Variants in FNDC3A observed in about 807,000 individuals in gnomAD.
FNDC3A encodes fibronectin type III domain containing 3A, also known as fibronectin type-III domain-containing protein 3A.
Under a neutral mutation model 148.9 loss-of-function variants are expected in FNDC3A, and 32 were observed. The ratio of observed to expected loss-of-function variants is 0.21; its 90% CI spans 0.16 to 0.29. The LOEUF (loss-of-function observed/expected upper bound fraction) is 0.29. Among genes scored for constraint, FNDC3A ranks in the 10% least tolerant of loss-of-function variants. The pLI is 1.00. For missense variants in FNDC3A, 1,191 were observed against 1,452.8 expected (o/e 0.82, Z 2.93); for synonymous variants, 472 against 473.6 (o/e 1.00, Z 0.04).
Position 49,127,989 on chromosome 13 carries a change from C to G in FNDC3A, c.253-3148C>G, listed in dbSNP as rs1881803490. ...CTCTGCCTCCCGGGTTCAAACGATT[C>G]TCTTGCCTCAGCCTCCTGAGCAGCT... On this transcript the variant is annotated intron_variant, in intron 4 of 25. Coordinates refer to ENST00000492622, the MANE Select transcript of FNDC3A (RefSeq NM_001079673.2). Among the ~76,000 whole-genome samples the G allele has an allele frequency of 2.0e-5, 3 of 152,036 alleles. 1 individual carries two copies. Among genetic ancestry groups the G allele is most frequent in the African/African-American group, 7.3e-5 (3 of 41,374 alleles).
intron 1 of FNDC3A, among the ~76,000 whole-genome samples, chr13:48,998,522 C>T (rs1030626611): frequency 6.6e-6 from 1 of 152,080 alleles, no homozygotes; most frequent in African/African-American, 2.4e-5. Context: ...TGAGTTTCAT[C>T]CCTAAGATAT....
chr13:49,066,837 C>T (rs952692075), intron 2 of FNDC3A, among the ~76,000 whole-genome samples: 2 of 152,052 alleles, frequency 1.3e-5, no homozygotes, highest in African/African-American at 4.8e-5. Context: ...AATACTTTCC[C>T]CTCACTGCCC....
intron 14 of FNDC3A, among the ~76,000 whole-genome samples, chr13:49,181,212 A>AC (rs1885285158): frequency 1.3e-5 from 2 of 152,230 alleles, no homozygotes; most frequent in Non-Finnish European, 2.9e-5. Flanking sequence ...CTCCCAGATA[A>AC]TGAGGTTGGA....
chr13:49,197,329 C>T (rs1434483330), intron 20 of FNDC3A, among the ~76,000 whole-genome samples: 4 of 151,726 alleles, frequency 2.6e-5, no homozygotes, highest in African/African-American at 9.7e-5. Flanking sequence ...ATCCAGTACA[C>T]ATCTCCAGTG....
chr13:49,138,936 T>A, intron 7 of FNDC3A, 131 bp downstream of exon 7: 1 of 467,502 alleles, frequency 2.1e-6, no homozygotes, highest in East Asian at 3.3e-5. Flanking sequence ...GTGACAAGCT[T>A]TTTCACTCAC....
rs776300850 is a variant in FNDC3A, at chr13:49,118,875, C to T, written c.252+4144C>T. Among the ~76,000 whole-genome samples the T allele has an allele frequency of 9.2e-5, 14 of 152,338 alleles. 1 individual carries two copies. The South Asian group carries it at 1.5e-3, about 16-fold the overall frequency. ...CCCAGTCAGGGGCTTATAGATAAAA[C>T]GCCCGTCTTCCTGAGACAGAGCACC... On this transcript the variant is annotated intron_variant, in intron 4 of 25. Coordinates refer to ENST00000492622, the MANE Select transcript of FNDC3A (RefSeq NM_001079673.2).
At chr13:49,092,139 T>C (rs56025225) in intron 3 of FNDC3A, among the ~76,000 whole-genome samples, 26,342 of 152,208 alleles carry the variant, frequency 0.17, 2,827 homozygotes, top group Non-Finnish European at 0.24. Flanking sequence ...CAAGCACCAT[T>C]GGATCTGCTG....
chr13:49,038,061 C>T (rs1874632530), intron 2 of FNDC3A, among the ~76,000 whole-genome samples: 1 of 152,080 alleles, frequency 6.6e-6, no homozygotes, highest in Non-Finnish European at 1.5e-5. Flanking sequence ...AGATTATCTT[C>T]CCCTGGAGTT....
At chr13:49,078,385 A>C (rs1878257263) in intron 3 of FNDC3A, among the ~76,000 whole-genome samples, 1 of 152,242 alleles carries the variant, frequency 6.6e-6, no homozygotes, top group Admixed American at 6.5e-5. Context: ...TACCATGAGA[A>C]GATATTTTTA....
chr13:49,188,760 T>G, intron 17 of FNDC3A, 127 bp downstream of exon 17: 1 of 683,322 alleles, frequency 1.5e-6, no homozygotes. Flanking sequence ...TGTAACCTGT[T>G]GGGTTAATTT....
At chr13:49,191,511 A>G in intron 19 of FNDC3A, 127 bp downstream of exon 19, 1 of 654,632 alleles carries the variant, frequency 1.5e-6, no homozygotes, top group Non-Finnish European at 2.5e-6. Flanking sequence ...ACAATTTTTA[A>G]CAAGCCTACA....
At position 49,207,371 on chromosome 13, in the gene FNDC3A, C is replaced by T. The variant is rs750592258; in HGVS notation, c.3573C>T (p.Ile1191=). The change falls in exon 26 of 26, where the codon ATC becomes ATT. Residue 1191 remains isoleucine, a synonymous_variant. Coordinates refer to ENST00000492622, the MANE Select transcript of FNDC3A (RefSeq NM_001079673.2). ...FAFFSILIAF[I]IQYFVIK ...TCTTTTCCATTTTGATTGCCTTTAT[C>T]ATTCAGTACTTTGTAATCAAGTGAA... 1.9e-6 allele frequency: 3 copies of T among 1,603,764 alleles called. No individual in the cohort carries two copies. The highest frequency in any genetic ancestry group is 1.7e-4 in the Middle Eastern group (1 of 6,038).
At chr13:49,182,301 T>G (rs961462328) in intron 14 of FNDC3A, among the ~76,000 whole-genome samples, 15 of 152,172 alleles carry the variant, frequency 9.9e-5, no homozygotes, top group African/African-American at 3.1e-4. Flanking sequence ...AAATAAAATT[T>G]TAAAGCACAG....
intron 3 of FNDC3A, among the ~76,000 whole-genome samples, chr13:49,091,291 CAG>C (rs950215548): frequency 1.3e-5 from 2 of 149,624 alleles, no homozygotes; most frequent in African/African-American, 2.5e-5. Flanking sequence ...AAGAAATAAA[CAG>C]AAATTGTTCA....
chr13:49,118,470 A>G (rs770201526), intron 4 of FNDC3A, among the ~76,000 whole-genome samples: 13 of 152,104 alleles, frequency 8.5e-5, no homozygotes, highest in Non-Finnish European at 1.5e-5. Flanking sequence ...GCTTTTTTTC[A>G]TATTCCAGTG....
chr13:49,143,978 T>TTACTACTAC (rs71188348), intron 7 of FNDC3A, among the ~76,000 whole-genome samples: 6,057 of 138,680 alleles, frequency 0.044, 163 homozygotes, highest in East Asian at 0.089. Flanking sequence ...GACCCCATCT[T>TTACTACTAC]TACTACTACT....
chr13:49,142,794 A>C (rs1305577593), intron 7 of FNDC3A, among the ~76,000 whole-genome samples: 1 of 152,208 alleles, frequency 6.6e-6, no homozygotes, highest in Non-Finnish European at 1.5e-5. Flanking sequence ...TCACTTATGA[A>C]GTTTTCCACA....
chr13:49,186,252 T>C, intron 15 of FNDC3A, 150 bp downstream of exon 15: 1 of 574,212 alleles, frequency 1.7e-6, no homozygotes, highest in East Asian at 3.0e-5. Context: ...GGTATGTTTT[T>C]TGTGGAAAAC....
chr13:49,159,588 T>C (rs2138016710), intron 8 of FNDC3A, among the ~76,000 whole-genome samples: 1 of 152,326 alleles, frequency 6.6e-6, no homozygotes, highest in Non-Finnish European at 1.5e-5. Context: ...ACTTCCTGTT[T>C]TCCTAACTGA....
Sources: allele counts gnomAD v4.1 joint callset (sites outside exome capture counted in the v4.1 genomes callset), GRCh38; gene constraint gnomAD v4.1.1; transcripts MANE v1.5; gene names NCBI Gene and HGNC (gene_info 2026-07-23, HGNC 2026-07-21).